WWOX: variants seen among roughly 807,000 people sequenced by gnomAD.
WWOX encodes WW domain containing oxidoreductase.
A neutral mutation model predicts 46.2 loss-of-function variants in WWOX; 69 were observed. That is an observed-to-expected ratio of 1.49 (90% CI 1.23 to 1.82). The LOEUF (loss-of-function observed/expected upper bound fraction) is 1.82. Ranked by LOEUF, WWOX falls within the 40% of genes most tolerant of loss-of-function variation. The pLI is 0.00. For synonymous variants in WWOX, 359 were observed against 202.6 expected (o/e 1.77, Z -6.56); for missense variants, 919 against 542.6 (o/e 1.69, Z -6.89).
rs371438316 is a variant in WWOX, at chr16:79,187,221, G to A, written c.1057-24387G>A. ...ACTTCATTTTCCTCCCCTGTAAAAC[G>A]GGTTAATATCAGCACTTATCACATA... On this transcript the variant is annotated intron_variant, in intron 8 of 8. Coordinates refer to ENST00000566780, the MANE Select transcript of WWOX (RefSeq NM_016373.4). Among the ~76,000 whole-genome samples the A allele has an allele frequency of 1.3e-3, 198 of 152,250 alleles. 2 individuals are homozygous for A. The South Asian group carries it at 0.014, about 11-fold the overall frequency.
chr16:79,044,918 C>T (rs1261210775), intron 8 of WWOX, among the ~76,000 whole-genome samples: 1 of 151,894 alleles, frequency 6.6e-6, no homozygotes, highest in Non-Finnish European at 1.5e-5. Flanking sequence ...TGCTAGTGCT[C>T]ATTTCATAGA....
chr16:79,207,112 C>T (rs112452290), intron 8 of WWOX, among the ~76,000 whole-genome samples: 15 of 152,188 alleles, frequency 9.9e-5, no homozygotes, highest in Admixed American at 3.3e-4. Flanking sequence ...GGCGTGTAGA[C>T]GGCCATCTAT....
rs2081093852 is a variant in WWOX, at chr16:78,346,338, G to C, written c.517-40522G>C. Among the ~76,000 whole-genome samples the C allele has an allele frequency of 1.7e-5, 2 of 121,104 alleles. 1 individual carries two copies. The highest frequency in any genetic ancestry group is 5.6e-5 in the African/African-American group (2 of 35,782). The allele number at this position is 121,104 out of a possible 152,430, so 79.4% of individuals were successfully genotyped here. A position where few individuals can be genotyped will look rare whatever the true frequency, so the allele number is the denominator to read the frequency against. Reference sequence around the variant, plus strand: ...AGCTGTTGTAAATGGATACTAATGTGAACGAAGCCACCGTGAATATTGATG... The same window carrying C: ...AGCTGTTGTAAATGGATACTAATGTCAACGAAGCCACCGTGAATATTGATG... On this transcript the variant is annotated intron_variant, in intron 5 of 8. Transcript: ENST00000566780.
intron 8 of WWOX, among the ~76,000 whole-genome samples, chr16:78,760,068 C>T (rs1477220902): frequency 6.6e-6 from 1 of 152,128 alleles, no homozygotes; most frequent in East Asian, 1.9e-4. Context: ...ATACCCAAAA[C>T]TGGGTAATTT....
chr16:78,491,169 C>T (rs572732486), intron 8 of WWOX, among the ~76,000 whole-genome samples: 48 of 152,308 alleles, frequency 3.2e-4, no homozygotes, highest in South Asian at 1.0e-3. Flanking sequence ...AAATCCAGCT[C>T]TTGGCCTCAT....
intron 6 of WWOX, among the ~76,000 whole-genome samples, chr16:78,410,253 C>T (rs759932647): frequency 2.6e-4 from 39 of 152,188 alleles, no homozygotes; most frequent in Non-Finnish European, 4.7e-4. Flanking sequence ...AATTAAATCT[C>T]TTTTCATTAT....
intron 5 of WWOX, among the ~76,000 whole-genome samples, chr16:78,337,201 G>C (rs753806403): frequency 2.0e-5 from 3 of 152,200 alleles, no homozygotes; most frequent in Non-Finnish European, 4.4e-5. Flanking sequence ...TGTGTTATTA[G>C]CAAATCCCTC....
At chr16:78,201,081 C>T (rs2036215245) in intron 5 of WWOX, among the ~76,000 whole-genome samples, 2 of 152,138 alleles carry the variant, frequency 1.3e-5, no homozygotes, top group Admixed American at 6.5e-5. Flanking sequence ...TCGTATTAAT[C>T]CACCCTGGAT....
chr16:78,844,971 T>C (rs944095915), intron 8 of WWOX, among the ~76,000 whole-genome samples: 1 of 152,138 alleles, frequency 6.6e-6, no homozygotes, highest in Admixed American at 6.5e-5. Flanking sequence ...CAGGAAGTCT[T>C]AACTTCCTTG....
At chr16:78,775,500 T>C (rs1763154229) in intron 8 of WWOX, among the ~76,000 whole-genome samples, 1 of 152,182 alleles carries the variant, frequency 6.6e-6, no homozygotes, top group South Asian at 2.1e-4. Flanking sequence ...GAAGTCACTG[T>C]AGCGCCCTCC....
At chr16:78,318,395 C>T (rs867125239) in intron 5 of WWOX, among the ~76,000 whole-genome samples, 13 of 151,036 alleles carry the variant, frequency 8.6e-5, no homozygotes, top group African/African-American at 2.7e-4. Context: ...GCCGAGATTG[C>T]GTCACTGCAC....
chr16:79,159,565 C>G (rs947571804), intron 8 of WWOX, among the ~76,000 whole-genome samples: 5 of 152,146 alleles, frequency 3.3e-5, no homozygotes, highest in Admixed American at 2.0e-4. Flanking sequence ...GGAAAATGCT[C>G]TCTTTCTTAC....
At chr16:78,831,723 T>C (rs1567590982) in intron 8 of WWOX, among the ~76,000 whole-genome samples, 1 of 152,226 alleles carries the variant, frequency 6.6e-6, no homozygotes, top group Non-Finnish European at 1.5e-5. Flanking sequence ...TAATCCCTGG[T>C]ATTCAATAAG....
intron 5 of WWOX, among the ~76,000 whole-genome samples, chr16:78,174,068 A>G (rs1344384055): frequency 5.3e-5 from 8 of 152,148 alleles, no homozygotes; most frequent in Non-Finnish European, 8.8e-5. Context: ...CCTGTCTCCA[A>G]CTACCATCAC....
chr16:78,975,086 C>G (rs1170088683), intron 8 of WWOX, among the ~76,000 whole-genome samples: 1 of 152,208 alleles, frequency 6.6e-6, no homozygotes, highest in Non-Finnish European at 1.5e-5. Flanking sequence ...CCTTGTTACT[C>G]TGCATTTTAA....
chr16:78,945,116 G>A lies in WWOX; in HGVS notation c.1057-266492G>A, dbSNP rs958093691. Among the ~76,000 whole-genome samples, 78 of 152,234 alleles carry A rather than the reference G, an allele frequency of 5.1e-4. 1 individual carries two copies. The highest frequency in any genetic ancestry group is 1.9e-3 in the African/African-American group (77 of 41,532). On this transcript the variant is annotated intron_variant, in intron 8 of 8. Transcript: ENST00000566780. Reference sequence around the variant, plus strand: ...GATTGCTGGAGCCTGGGATATCAAGGCTACAGTGAGCCGAGACCGCACCTC... The same window carrying A: ...GATTGCTGGAGCCTGGGATATCAAGACTACAGTGAGCCGAGACCGCACCTC...
intron 8 of WWOX, among the ~76,000 whole-genome samples, chr16:78,559,913 C>G (rs995226709): frequency 4.6e-5 from 7 of 152,204 alleles, no homozygotes; most frequent in Non-Finnish European, 8.8e-5. Flanking sequence ...CAATCCGTTG[C>G]AGAAAGCCTA....
intron 8 of WWOX, among the ~76,000 whole-genome samples, chr16:79,019,157 CAAAAAAA>C (rs903333994): frequency 0.021 from 524 of 24,512 alleles, 4 homozygotes; most frequent in Middle Eastern, 0.083. Context: ...GACCTTGTCT[CAAAAAAA>C]AAAAAAAAAA....
chr16:78,494,192 G>T (rs987207328), intron 8 of WWOX, among the ~76,000 whole-genome samples: 2 of 152,174 alleles, frequency 1.3e-5, no homozygotes, highest in Admixed American at 6.5e-5. Flanking sequence ...GATCTCAGGA[G>T]AACTCTTTCA....
Sources: allele counts gnomAD v4.1 joint callset (sites outside exome capture counted in the v4.1 genomes callset), GRCh38; gene constraint gnomAD v4.1.1; transcripts MANE v1.5; gene names NCBI Gene and HGNC (gene_info 2026-07-23, HGNC 2026-07-21).